Variants in INPP5A observed in about 807,000 individuals in gnomAD.
INPP5A encodes inositol polyphosphate-5-phosphatase A, also known as 43 kDa inositol polyphosphate 5-phophatase.
In INPP5A, 14 loss-of-function variants were observed where a neutral mutation model predicts 65.2. The observed-to-expected ratio is 0.21, with a 90% CI of 0.14 to 0.34. The LOEUF (loss-of-function observed/expected upper bound fraction) is 0.34. INPP5A is among the 10% of genes least tolerant of loss of function. The pLI, the probability that INPP5A is intolerant of heterozygous loss-of-function variation, is 1.00. For missense variants in INPP5A, 431 were observed against 545.6 expected, an observed-to-expected ratio of 0.79 and a Z score of 2.09; for synonymous variants, 207 against 208.3, an observed-to-expected ratio of 0.99 and a Z score of 0.05.
intron 1 of INPP5A, among the ~76,000 whole-genome samples, chr10:132,578,780 CAGGAG>C (rs1265826129): frequency 6.6e-6 from 1 of 151,804 alleles, no homozygotes; most frequent in African/African-American, 2.4e-5. Flanking sequence ...GTCTGGGCTC[CAGGAG>C]AGGAGAGGAG....
chr10:132,743,747 G>C (rs1007704004), intron 9 of INPP5A, among the ~76,000 whole-genome samples: 1 of 152,200 alleles, frequency 6.6e-6, no homozygotes, highest in Non-Finnish European at 1.5e-5. Context: ...GCTTGCTGAC[G>C]GGCAGCCTCA....
intron 1 of INPP5A, among the ~76,000 whole-genome samples, chr10:132,593,242 G>A (rs541735498): frequency 6.6e-5 from 10 of 152,246 alleles, no homozygotes; most frequent in East Asian, 5.8e-4. Context: ...TGGGCGCGCC[G>A]TCTTCCCCGG....
chr10:132,745,350 C>T (rs886894447), intron 9 of INPP5A, among the ~76,000 whole-genome samples: 2 of 152,190 alleles, frequency 1.3e-5, no homozygotes, highest in Non-Finnish European at 2.9e-5. Context: ...AACGGATTCC[C>T]TTGTCTGCCT....
intron 5 of INPP5A, among the ~76,000 whole-genome samples, chr10:132,692,749 T>G (rs1845288170): frequency 1.3e-5 from 2 of 152,304 alleles, no homozygotes; most frequent in East Asian, 1.9e-4. Context: ...AAGCAAAAAT[T>G]GAAGTAATTT....
intron 4 of INPP5A, among the ~76,000 whole-genome samples, chr10:132,665,828 G>T (rs1018478348): frequency 1.3e-5 from 2 of 151,880 alleles, no homozygotes; most frequent in African/African-American, 4.8e-5. Flanking sequence ...GCTGAGGCAG[G>T]TGAATTGCTT....
chr10:132,697,803 T>G lies in INPP5A; in HGVS notation c.371-13T>G. ...TGATGGGATAGTCACCTCGTCCTTCTGGTCTCTTCCAGCTAAGAAGTATAG... is the reference window on the plus strand; with the variant it reads ...TGATGGGATAGTCACCTCGTCCTTCGGGTCTCTTCCAGCTAAGAAGTATAG... On this transcript the variant is annotated splice_polypyrimidine_tract_variant and intron_variant, in intron 5 of 15. Coordinates refer to ENST00000368594, the MANE Select transcript of INPP5A (RefSeq NM_005539.5). The surrounding 1 kb of genome is among the most constrained non-coding windows in gnomAD (Gnocchi z 5.6). 2 of 1,572,890 alleles carry G rather than the reference T, an allele frequency of 1.3e-6. No homozygotes were observed. The highest frequency in any genetic ancestry group is 1.7e-6 in the Non-Finnish European group (2 of 1,143,632).
chr10:132,621,206 G>T (rs192282548), intron 2 of INPP5A, among the ~76,000 whole-genome samples: 4 of 152,356 alleles, frequency 2.6e-5, no homozygotes, highest in African/African-American at 9.6e-5. Context: ...TTTACCTGAA[G>T]ACTGGGAACA....
intron 2 of INPP5A, among the ~76,000 whole-genome samples, chr10:132,617,011 C>T (rs966889952): frequency 8.5e-5 from 13 of 152,056 alleles, no homozygotes; most frequent in African/African-American, 2.9e-4. Flanking sequence ...AGATGCAGGC[C>T]GCTTCTGCAG....
At chr10:132,626,990 A>G (rs2072193433) in intron 2 of INPP5A, among the ~76,000 whole-genome samples, 1 of 152,066 alleles carries the variant, frequency 6.6e-6, no homozygotes, top group Non-Finnish European at 1.5e-5. Context: ...CCCCAGTGTA[A>G]TGGTATTGAG....
At chr10:132,686,968 G>A (rs891507015) in intron 4 of INPP5A, among the ~76,000 whole-genome samples, 5 of 152,208 alleles carry the variant, frequency 3.3e-5, no homozygotes, top group East Asian at 1.9e-4. Context: ...TTTTTGAGAC[G>A]GAGTCTCGCC....
intron 2 of INPP5A, among the ~76,000 whole-genome samples, chr10:132,619,935 C>T (rs1017872528): frequency 6.6e-6 from 1 of 152,244 alleles, no homozygotes; most frequent in Non-Finnish European, 1.5e-5. Flanking sequence ...CAGGTGTGAG[C>T]CACTGCACTT....
intron 8 of INPP5A, among the ~76,000 whole-genome samples, chr10:132,725,916 T>A (rs1845976706): frequency 6.6e-6 from 1 of 152,078 alleles, no homozygotes; most frequent in African/African-American, 2.4e-5. Context: ...GTTCCACTGA[T>A]GGTTTTGGTG....
intron 1 of INPP5A, among the ~76,000 whole-genome samples, chr10:132,556,128 C>T (rs903701652): frequency 3.9e-5 from 6 of 152,144 alleles, no homozygotes; most frequent in Admixed American, 6.5e-5. Flanking sequence ...GCCCAGCCCC[C>T]GTGCTGAAGT....
chr10:132,574,707 T>C (rs1180168455), intron 1 of INPP5A, among the ~76,000 whole-genome samples: 1 of 151,110 alleles, frequency 6.6e-6, no homozygotes, highest in African/African-American at 2.4e-5. Flanking sequence ...TTTTTTTTTT[T>C]TGAGACAGAG....
chr10:132,665,938 G>A (rs1025966229), intron 4 of INPP5A, among the ~76,000 whole-genome samples: 5 of 151,726 alleles, frequency 3.3e-5, no homozygotes, highest in Non-Finnish European at 5.9e-5. Flanking sequence ...ACCTGTAGTC[G>A]CAGCTACTTG....
In INPP5A at chr10:132,644,585, G is replaced by T. The variant is rs2072468882; in HGVS notation, c.118-1283G>T. ...CACAGTGAGTGCCGTGTCGTCGTGA[G>T]CACCTCCAGGCTCCCAAGCCCAGCA... is the stretch of plus-strand genomic sequence containing the variant. On this transcript the variant is annotated intron_variant, in intron 2 of 15. Coordinates refer to ENST00000368594, the MANE Select transcript of INPP5A (RefSeq NM_005539.5). This position sits in a 1 kb window ranked among gnomAD's most constrained non-coding sequence, Gnocchi z 6.5. Among the ~76,000 whole-genome samples the T allele has an allele frequency of 6.6e-6, 1 of 152,200 alleles. No individual in the cohort carries two copies. The highest frequency in any genetic ancestry group is 2.1e-4 in the South Asian group (1 of 4,834).
intron 9 of INPP5A, among the ~76,000 whole-genome samples, chr10:132,744,540 A>AG (rs1846333721): frequency 1.3e-5 from 2 of 152,092 alleles, no homozygotes; most frequent in South Asian, 4.1e-4. Flanking sequence ...CGGCTCCTTT[A>AG]GGGGGTCTCA....
chr10:132,573,757 A>C (rs1231421236), intron 1 of INPP5A, among the ~76,000 whole-genome samples: 1 of 106,482 alleles, frequency 9.4e-6, no homozygotes, highest in African/African-American at 4.1e-5. Context: ...GGTTTTGTTG[A>C]GATGTTGGGG....
At chr10:132,617,541 C>T (rs1250092370) in intron 2 of INPP5A, among the ~76,000 whole-genome samples, 1 of 152,184 alleles carries the variant, frequency 6.6e-6, no homozygotes, top group Admixed American at 6.5e-5. Flanking sequence ...GTTACCTGCT[C>T]GTGTGGCCAG....
Sources: allele counts gnomAD v4.1 joint callset (sites outside exome capture counted in the v4.1 genomes callset), GRCh38; gene constraint gnomAD v4.1.1; non-coding constraint Gnocchi (gnomAD v3.1); transcripts MANE v1.5; gene names NCBI Gene and HGNC (gene_info 2026-07-23, HGNC 2026-07-21).